Variants in MCM10 observed in about 807,000 individuals in gnomAD.
The protein encoded by MCM10 is protein MCM10 homolog.
Under a neutral mutation model 109.9 loss-of-function variants are expected in MCM10, and 91 were observed. The ratio of observed to expected loss-of-function variants is 0.83; its 90% CI spans 0.70 to 0.99. MCM10 has a LOEUF of 0.99. MCM10 is among the 50% of genes least tolerant of loss of function. The pLI, the probability that MCM10 is intolerant of heterozygous loss-of-function variation, is 0.00. For synonymous variants in MCM10, 380 were observed against 387.2 expected (o/e 0.98, Z 0.22); for missense variants, 1,077 against 1,061.2 (o/e 1.01, Z -0.21).
chr10:13,184,239 C>A (rs557712958), intron 8 of MCM10, among the ~76,000 whole-genome samples: 1 of 152,072 alleles, frequency 6.6e-6, no homozygotes, highest in African/African-American at 2.4e-5. Flanking sequence ...GTGATCTACC[C>A]GCCTCGGCCT....
chr10:13,183,039 A>C lies in MCM10; in HGVS notation c.1037A>C (p.Gln346Pro). The C allele has an allele frequency of 1.9e-6, 3 of 1,614,190 alleles. No individual in the cohort carries two copies. The highest frequency in any genetic ancestry group is 2.5e-6 in the Non-Finnish European group (3 of 1,180,012). Residue 346 changes from glutamine to proline, a missense_variant, in exon 8 of 20, where the codon CAG becomes CCG. Transcript: ENST00000378714. ...EVHKALWKTEQGTVVGILNAN... is the reference protein window; with the variant it reads ...EVHKALWKTEPGTVVGILNAN... ...CACAAAGCGCTCTGGAAGACGGAGC[A>C]GGGGACTGTCGTAGGGATCCTCAAT...
At chr10:13,205,156 G>A (rs1474819746) in intron 18 of MCM10, among the ~76,000 whole-genome samples, 1 of 151,514 alleles carries the variant, frequency 6.6e-6, no homozygotes, top group Non-Finnish European at 1.5e-5. Flanking sequence ...CTGAAATAAT[G>A]TACATTGTAC....
Position 13,183,080 on chromosome 10 carries a change from C to A in MCM10, c.1078C>A (p.Pro360Thr). The A allele has an allele frequency of 6.2e-7, 1 of 1,613,928 alleles. No homozygotes were observed. Among genetic ancestry groups the A allele is most frequent in the Non-Finnish European group, 8.5e-7 (1 of 1,179,974 alleles). The change falls in exon 8 of 20, where the codon CCC (proline) becomes ACC (threonine). Residue 360 changes from proline to threonine, a missense_variant. Pro to Thr is a conservative substitution (Grantham distance 38). Transcript: ENST00000378714. ...VGILNANPMK[P>T]KDGSEEVCLS... ...GATCCTCAATGCCAACCCCATGAAG[C>A]CCAAGGATGGTTCAGAGGAGGTAAG...
Position 13,197,823 on chromosome 10 carries a change from T to C in MCM10, c.2119+56T>C. 2.5e-6 allele frequency: 4 copies of C among 1,569,216 alleles called. 1 individual carries two copies. In the South Asian group the frequency reaches 4.8e-5, roughly 19 times the overall value. On this transcript the variant is annotated intron_variant, in intron 15 of 19. Coordinates refer to ENST00000378714, the MANE Select transcript of MCM10 (RefSeq NM_018518.5). The stretch of plus-strand genomic sequence containing the variant: ...AGAGAAACTGTTTCTAAGGGAAATA[T>C]GTTCTAAACCCAAACCAGCACCCAG...
rs1223919816 is a variant in MCM10 at position 13,197,711 on chromosome 10, A to C, written c.2063A>C (p.Gln688Pro). Reference sequence around the variant, plus strand: ...ATTAAGAAGAAACAAAAGGACCCTCAGGACATCCTGGAGGTGAAGGAACGT... The same window carrying C: ...ATTAAGAAGAAACAAAAGGACCCTCCGGACATCCTGGAGGTGAAGGAACGT... ...NSIKKKQKDP[Q>P]DILEVKERVE... The change falls in exon 15 of 20, where the codon CAG becomes CCG. Residue 688 changes from glutamine to proline, a missense_variant. Physicochemically the swap from Gln to Pro is moderately conservative, Grantham distance 76. Coordinates refer to ENST00000378714, the MANE Select transcript of MCM10 (RefSeq NM_018518.5). The C allele has an allele frequency of 2.5e-6, 4 of 1,613,956 alleles. No individual in the cohort carries two copies. The Admixed American group carries it at 5.0e-5, about 20-fold the overall frequency.
In MCM10 at chr10:13,183,119, G is replaced by A. The variant is rs11258235; in HGVS notation, c.1098+19G>A. On this transcript the variant is annotated intron_variant, in intron 8 of 19. Transcript: ENST00000378714. ...AGAGGAGGTAAGAGCCTGTTTCTGG[G>A]ATTTGATTGATGATTGTCTTTACAA... The A allele has an allele frequency of 0.31, 490,852 of 1,600,174 alleles. 76,856 individuals carry two copies. Among genetic ancestry groups the A allele is most frequent in the East Asian group, 0.43 (18,993 of 44,680 alleles).
In MCM10 at chr10:13,189,091, C is replaced by T; in HGVS notation, c.1415+11C>T. The stretch of plus-strand genomic sequence containing the variant: ...GTATGCAGCTTCAATGTAAGACGTT[C>T]TCGGGCTTCTTTTGGGCAGAGGATT... On this transcript the variant is annotated intron_variant, in intron 10 of 19. Transcript: ENST00000378714. 3 of 1,614,080 alleles carry T rather than the reference C, an allele frequency of 1.9e-6. No individual in the cohort carries two copies. The highest frequency in any genetic ancestry group is 2.5e-6 in the Non-Finnish European group (3 of 1,179,978).
intron 10 of MCM10, among the ~76,000 whole-genome samples, chr10:13,189,970 A>G (rs1474244286): frequency 1.3e-5 from 2 of 152,230 alleles, no homozygotes; most frequent in East Asian, 1.9e-4. Context: ...TATAAGCTTA[A>G]AAAAAGAAAG....
chr10:13,162,378 C>T (rs1170904730), intron 1 of MCM10, among the ~76,000 whole-genome samples: 1 of 152,180 alleles, frequency 6.6e-6, no homozygotes, highest in Non-Finnish European at 1.5e-5. Flanking sequence ...AAGGGACCCC[C>T]ATGATCTGAT....
At chr10:13,185,647 T>G (rs908284229) in intron 8 of MCM10, among the ~76,000 whole-genome samples, 5 of 152,188 alleles carry the variant, frequency 3.3e-5, no homozygotes, top group African/African-American at 1.2e-4. Flanking sequence ...AAATCAGGAT[T>G]CCAATCGCAA....
intron 8 of MCM10, among the ~76,000 whole-genome samples, chr10:13,185,885 C>CA (rs1045264484): frequency 2.0e-5 from 3 of 152,144 alleles, no homozygotes; most frequent in Non-Finnish European, 4.4e-5. Flanking sequence ...TTCAGCCCCC[C>CA]AAGTAACTGG....
At chr10:13,164,001 G>A (rs1394512065) in intron 1 of MCM10, 127 bp from the exon 2 acceptor site, 1 of 394,694 alleles carries the variant, frequency 2.5e-6, no homozygotes, top group East Asian at 4.1e-5. Flanking sequence ...GGTGAGAAAT[G>A]GTCAGATTCT....
intron 18 of MCM10, 141 bp downstream of exon 18, chr10:13,204,505 T>C: frequency 1.9e-6 from 2 of 1,052,938 alleles, no homozygotes; most frequent in Non-Finnish European, 2.7e-6. Flanking sequence ...GGACTCAAGC[T>C]GTTAACTGAA....
At position 13,198,742 on chromosome 10, in the gene MCM10, C is replaced by T. The variant is rs1260078957; in HGVS notation, c.2173C>T (p.Leu725=). The change falls in exon 16 of 20, where the codon CTG becomes TTG. Residue 725 remains leucine, a synonymous_variant. Transcript: ENST00000378714. ...RKKRREQLAY[L]ESEEFQKILK... ...AAAAAGGAGAGAACAACTTGCCTAT[C>T]TGGAATCTGAGGAATTTCAGAAAAT... 6.2e-7 allele frequency: 1 copy of T among 1,613,994 alleles called. No homozygotes were observed.
At chr10:13,186,969 G>A (rs768015555) in intron 9 of MCM10, among the ~76,000 whole-genome samples, 4 of 152,196 alleles carry the variant, frequency 2.6e-5, no homozygotes, top group Non-Finnish European at 5.9e-5. Flanking sequence ...TCCAGCCTGG[G>A]CGATAGAGTG....
intron 8 of MCM10, 55 bp from the exon 9 acceptor site, chr10:13,186,109 A>G: frequency 2.1e-6 from 2 of 963,844 alleles, no homozygotes; most frequent in Non-Finnish European, 3.3e-6. Flanking sequence ...TATTCCTGCT[A>G]ATAAAAGGCC....
chr10:13,208,341 T>C (rs1339776751), intron 18 of MCM10, among the ~76,000 whole-genome samples: 1 of 151,896 alleles, frequency 6.6e-6, no homozygotes, highest in African/African-American at 2.4e-5. Context: ...TGAGCTGTGA[T>C]CGCACTACTG....
chr10:13,200,614 C>T (rs1247784240), intron 16 of MCM10, among the ~76,000 whole-genome samples: 1 of 152,218 alleles, frequency 6.6e-6, no homozygotes, highest in Non-Finnish European at 1.5e-5. Context: ...CCCAGGCCCT[C>T]CTGTCTGTGG....
intron 13 of MCM10, among the ~76,000 whole-genome samples, chr10:13,194,689 C>T (rs893870472): frequency 1.3e-5 from 2 of 152,352 alleles, no homozygotes; most frequent in Non-Finnish European, 2.9e-5. Context: ...TGAGTTCCTA[C>T]AGGCCCTAGA....
Sources: gnomAD v4.1 joint callset for allele counts (sites outside exome capture counted in the v4.1 genomes callset) on GRCh38, gnomAD v4.1.1 for gene constraint, MANE v1.5 for transcripts, NCBI Gene and HGNC (gene_info 2026-07-23, HGNC 2026-07-21) for gene names.